The following ARMC5 variants were observed in gnomAD, a reference collection of about 807,000 sequenced individuals.
ARMC5 encodes the protein armadillo repeat-containing protein 5.
Under a neutral mutation model 60.5 loss-of-function variants are expected in ARMC5, and 28 were observed. The observed-to-expected ratio is 0.46, with a 90% CI of 0.34 to 0.63. ARMC5 has a LOEUF of 0.63. Among genes scored for constraint, ARMC5 ranks in the 30% least tolerant of loss-of-function variants. The pLI, the probability that ARMC5 is intolerant of heterozygous loss-of-function variation, is 0.01. For missense variants in ARMC5, 1,189 were observed against 1,304.9 expected (o/e 0.91, Z 1.37); for synonymous variants, 680 against 607.3 (o/e 1.12, Z -1.76).
upstream of ARMC5, chr16:31,458,339 A>G (rs2082264354): frequency 6.9e-7 from 1 of 1,443,696 alleles, no homozygotes; most frequent in Non-Finnish European, 9.4e-7. Context: ...GTGCTGGATC[A>G]GGTTGGAGCT....
chr16:31,462,288 C>T lies in ARMC5; in HGVS notation c.741C>T (p.Ala247=). 1.2e-6 allele frequency: 2 copies of T among 1,610,004 alleles called. No homozygotes were observed. Among genetic ancestry groups the T allele is most frequent in the Non-Finnish European group, 1.7e-6 (2 of 1,179,964 alleles). The change falls in exon 3 of 6, where the codon GCC becomes GCT. Residue 247 remains alanine (A), a synonymous_variant. Transcript: ENST00000268314. The surrounding 1 kb of genome is among the most constrained non-coding windows in gnomAD (Gnocchi z 7.2). ...GAVRPLAELL[A]TAPDAALTLA... ...TGCGTCCGCTGGCCGAGCTCCTGGC[C>T]ACTGCCCCAGATGCTGCACTGACCT...
upstream of ARMC5, chr16:31,458,365 A>C (rs996045340): frequency 1.9e-5 from 29 of 1,529,006 alleles, no homozygotes; most frequent in Admixed American, 9.8e-5. Context: ...TGAAAGTCTT[A>C]CCACACTAGG....
In ARMC5 at chr16:31,462,442, G is replaced by A. The variant is rs758584744; in HGVS notation, c.895G>A (p.Glu299Lys). ...TTCCCACCCCAAGCGGGCAGTACGCGAGGGAACCATTCTGATCCTCGCCAA... is the reference window on the plus strand; with the variant it reads ...TTCCCACCCCAAGCGGGCAGTACGCAAGGGAACCATTCTGATCCTCGCCAA... ...LASHPKRAVREGTILILANLC... is the reference protein window; with the variant it reads ...LASHPKRAVRKGTILILANLC... Residue 299 changes from glutamate (E) to lysine (K), a missense_variant, in exon 3 of 6, where the codon GAG becomes AAG. Physicochemically the swap from Glu to Lys is moderately conservative, Grantham distance 56. This residue lies in a region of ARMC5 where 862 missense variants were observed against 1,071.2 expected (regional missense o/e 0.80). Coordinates refer to ENST00000268314, the MANE Select transcript of ARMC5 (RefSeq NM_001105247.2). This position sits in a 1 kb window ranked among gnomAD's most constrained non-coding sequence, Gnocchi z 7.2. 11 of 1,612,528 alleles carry A rather than the reference G, an allele frequency of 6.8e-6. No homozygotes were observed. Among genetic ancestry groups the A allele is most frequent in the South Asian group, 2.2e-5 (2 of 91,038 alleles).
At chr16:31,465,457 G>T in intron 4 of ARMC5, 1 of 931,256 alleles carries the variant, frequency 1.1e-6, no homozygotes, top group Non-Finnish European at 1.5e-6. Context: ...ATTATAGAGC[G>T]AGGATTATTA....
chr16:31,460,120 T>G, intron 1 of ARMC5, 121 bp downstream of exon 1: 1 of 1,100,384 alleles, frequency 9.1e-7, no homozygotes, highest in Non-Finnish European at 1.3e-6. Flanking sequence ...TGATGGCGCA[T>G]CGCTCCTGTT....
At position 31,461,449 on chromosome 16, in the gene ARMC5, C is replaced by T. The variant is rs550058934; in HGVS notation, c.476-473C>T. 7.2e-5 allele frequency among the ~76,000 whole-genome samples: 11 copies of T among 152,294 alleles called. No homozygotes were observed. The South Asian group carries it at 2.1e-3, about 29-fold the overall frequency. On this transcript the variant is annotated intron_variant, in intron 1 of 5. Transcript: ENST00000268314. Reference sequence around the variant, plus strand: ...AATGCCTTCTCACACCCCCATCCACCGTGCTTCTGGCAAATACCTTCCTGT... The same window carrying T: ...AATGCCTTCTCACACCCCCATCCACTGTGCTTCTGGCAAATACCTTCCTGT...
chr16:31,459,344 C>T (rs769177089), upstream of ARMC5: 3 of 1,535,614 alleles, frequency 2.0e-6, no homozygotes, highest in African/African-American at 1.4e-5. Flanking sequence ...GATTAAGGTA[C>T]TGCCGCGCCT....
At position 31,466,009 on chromosome 16, in the gene ARMC5, G is replaced by A. The variant is rs1477612333; in HGVS notation, c.1997+27G>A. 1.3e-6 allele frequency: 2 copies of A among 1,597,382 alleles called. No individual in the cohort carries two copies. The highest frequency in any genetic ancestry group is 3.4e-5 in the Admixed American group (2 of 59,286). On this transcript the variant is annotated intron_variant, in intron 5 of 5. Transcript: ENST00000268314. This position sits in a 1 kb window ranked among gnomAD's most constrained non-coding sequence, Gnocchi z 8.0. ...TGAGTGGGAAGTGGGTGCCTTGCGG[G>A]GTTGGGGGAGGAGTGCTGTGTTTCC...
In ARMC5 at chr16:31,459,867, T is replaced by G; in HGVS notation, c.343T>G (p.Ser115Ala). The G allele has an allele frequency of 6.2e-7, 1 of 1,601,926 alleles. No individual in the cohort carries two copies. Among genetic ancestry groups the G allele is most frequent in the African/African-American group, 1.3e-5 (1 of 74,910 alleles). The change falls in exon 1 of 6, where the codon TCG becomes GCG. Residue 115 changes from serine to alanine, a missense_variant. Physicochemically the swap from Ser to Ala is moderately conservative, Grantham distance 99 (BLOSUM62 1). Coordinates refer to ENST00000268314, the MANE Select transcript of ARMC5 (RefSeq NM_001105247.2). ...PASGPAPSAV[S>A]SSSPTPPVRL... ...GTCGGGCCCCGCCCCCTCCGCTGTG[T>G]CGTCGTCTAGTCCTACGCCGCCAGT...
upstream of ARMC5, chr16:31,458,806 T>G (rs764499404): frequency 6.5e-7 from 1 of 1,530,006 alleles, no homozygotes; most frequent in South Asian, 1.2e-5. Flanking sequence ...CCTCGCCTCT[T>G]CTGGCGCGGC....
In ARMC5 at chr16:31,462,516, C is replaced by T. The variant is rs190300567; in HGVS notation, c.969C>T (p.Gly323=). Residue 323 remains glycine, a synonymous_variant, in exon 3 of 6, where the codon GGC becomes GGT. Transcript: ENST00000268314. This position sits in a 1 kb window ranked among gnomAD's most constrained non-coding sequence, Gnocchi z 7.2. ...LIRPALGNAG[G]VEVLVDELRQ... is the part of the protein sequence containing the mutation. Reference sequence around the variant, plus strand: ...GGCCTGCACTGGGCAATGCTGGTGGCGTGGAGGTGCTGGTAGATGAGCTCC... The same window carrying T: ...GGCCTGCACTGGGCAATGCTGGTGGTGTGGAGGTGCTGGTAGATGAGCTCC... 878 of 1,611,348 alleles carry T rather than the reference C, an allele frequency of 5.4e-4. 9 individuals are homozygous for T. The East Asian group carries it at 0.014, about 26-fold the overall frequency.
chr16:31,464,403 G>A lies in ARMC5; in HGVS notation c.1380G>A (p.Leu460=). The A allele has an allele frequency of 1.3e-6, 2 of 1,524,714 alleles. No individual in the cohort carries two copies. The highest frequency in any genetic ancestry group is 1.4e-5 in the African/African-American group (1 of 71,300). 94.4% of individuals were successfully genotyped at this position (1,524,714 alleles called of 1,614,324 possible). A position where few individuals can be genotyped will look rare whatever the true frequency, so the allele number is the denominator to read the frequency against. The stretch of plus-strand genomic sequence containing the variant: ...TTTCTGCCCTCCGCAGGTCGTGGCT[G>A]ATCTCCGAGGGCTATGCCACAGGCC... ...GGSFRSLRSW[L]ISEGYATGPD... Residue 460 remains leucine (L), a synonymous_variant, in exon 4 of 6, where the codon CTG becomes CTA. Coordinates refer to ENST00000268314, the MANE Select transcript of ARMC5 (RefSeq NM_001105247.2). The surrounding 1 kb of genome is among the most constrained non-coding windows in gnomAD (Gnocchi z 7.6).
intron 3 of ARMC5, among the ~76,000 whole-genome samples, chr16:31,463,569 CTT>C (rs751507807): frequency 3.7e-4 from 57 of 152,096 alleles, no homozygotes; most frequent in Non-Finnish European, 7.4e-4. Context: ...CTGAGGAACT[CTT>C]TATTTTTTTT....
chr16:31,466,530 C>A lies in ARMC5; in HGVS notation c.2449C>A (p.Leu817Met). The A allele has an allele frequency of 6.2e-7, 1 of 1,608,482 alleles. No individual in the cohort carries two copies. Among genetic ancestry groups the A allele is most frequent in the Non-Finnish European group, 8.5e-7 (1 of 1,179,434 alleles). ...TGGTTGTCGGGGGTGTGGGGCTGCCCTGGGGCCCGTGCCCCCACCAGGCCA... is the reference window on the plus strand; with the variant it reads ...TGGTTGTCGGGGGTGTGGGGCTGCCATGGGGCCCGTGCCCCCACCAGGCCA... ...LHGCRGCGAA[L>M]GPVPPPGQPL... The change falls in exon 6 of 6, where the codon CTG (leucine) becomes ATG (methionine). Residue 817 changes from leucine to methionine, a missense_variant. Transcript: ENST00000268314. This position sits in a 1 kb window ranked among gnomAD's most constrained non-coding sequence, Gnocchi z 8.0.
chr16:31,462,254 A>G lies in ARMC5; in HGVS notation c.707A>G (p.Gln236Arg). 6.2e-7 allele frequency: 1 copy of G among 1,609,974 alleles called. No individual in the cohort carries two copies. The highest frequency in any genetic ancestry group is 8.5e-7 in the Non-Finnish European group (1 of 1,179,982). The change falls in exon 3 of 6, where the codon CAG becomes CGG. Residue 236 changes from glutamine to arginine, a missense_variant. Physicochemically the swap from Gln to Arg is conservative, Grantham distance 43. This residue lies in a region of ARMC5 where 862 missense variants were observed against 1,071.2 expected (regional missense o/e 0.80). Transcript: ENST00000268314. This position sits in a 1 kb window ranked among gnomAD's most constrained non-coding sequence, Gnocchi z 7.2. ...SPQHRLALAQ[Q>R]GAVRPLAELL... is the part of the protein sequence containing the mutation. ...CAGCACCGCCTGGCCTTGGCACAGC[A>G]GGGAGCAGTGCGTCCGCTGGCCGAG...
In ARMC5 at chr16:31,466,818, G is replaced by A; in HGVS notation, c.2737G>A (p.Ala913Thr). 2 of 1,596,018 alleles carry A rather than the reference G, an allele frequency of 1.3e-6. No homozygotes were observed. The highest frequency in any genetic ancestry group is 2.3e-5 in the South Asian group (2 of 87,702). ...GCTTGTGGAGGCAGCAGGTGAAGAGGCAGGGCCCCTGACGGAGGCTTTGCT... is the reference window on the plus strand; with the variant it reads ...GCTTGTGGAGGCAGCAGGTGAAGAGACAGGGCCCCTGACGGAGGCTTTGCT... Reference protein sequence around the residue: ...VGLVEAAGEEAGPLTEALLAV... With the variant: ...VGLVEAAGEETGPLTEALLAV... The change falls in exon 6 of 6, where the codon GCA (alanine) becomes ACA (threonine). Residue 913 changes from alanine (A) to threonine (T), a missense_variant. Coordinates refer to ENST00000268314, the MANE Select transcript of ARMC5 (RefSeq NM_001105247.2). This position sits in a 1 kb window ranked among gnomAD's most constrained non-coding sequence, Gnocchi z 8.0.
chr16:31,466,376 G>A lies in ARMC5; in HGVS notation c.2295G>A (p.Ala765=), dbSNP rs374957875. The change falls in exon 6 of 6, where the codon GCG becomes GCA. Residue 765 remains alanine (A), a synonymous_variant. Coordinates refer to ENST00000268314, the MANE Select transcript of ARMC5 (RefSeq NM_001105247.2). This position sits in a 1 kb window ranked among gnomAD's most constrained non-coding sequence, Gnocchi z 8.0. ...GCCTCCAGCTCCCTGCCCAGCGAGC[G>A]GCCTCAGCCACCGCCTCCCCTTTCT... ...DSGLQLPAQR[A]ASATASPFFR... 2.9e-5 allele frequency: 46 copies of A among 1,612,840 alleles called. No homozygotes were observed. In the African/African-American group the frequency reaches 3.5e-4, roughly 12 times the overall value.
chr16:31,459,963 A>T lies in ARMC5; in HGVS notation c.439A>T (p.Thr147Ser). Residue 147 changes from threonine to serine, a missense_variant, in exon 1 of 6, where the codon ACC becomes TCC. Thr to Ser is a moderately conservative substitution (Grantham distance 58). Around this residue, in one of 2 missense-constraint regions of ARMC5, gnomAD observed 327 missense variants for 233.7 expected, o/e 1.40. Coordinates refer to ENST00000268314, the MANE Select transcript of ARMC5 (RefSeq NM_001105247.2). ...TTGCTGTACGGAAGGGGCGTGCCGG[A>T]CCGAAGTGCGCAGACTCGGAGGCAT... ...ADCCTEGACR[T>S]EVRRLGGILP... 6.2e-7 allele frequency: 1 copy of T among 1,601,826 alleles called. No homozygotes were observed. The highest frequency in any genetic ancestry group is 8.5e-7 in the Non-Finnish European group (1 of 1,179,396).
chr16:31,461,632 C>T (rs774827124), intron 1 of ARMC5, among the ~76,000 whole-genome samples: 2 of 152,178 alleles, frequency 1.3e-5, no homozygotes, highest in African/African-American at 4.8e-5. Context: ...CACAGCCTCC[C>T]GGGTAGCTGG....
Sources: gnomAD v4.1 joint callset for allele counts (sites outside exome capture counted in the v4.1 genomes callset) on GRCh38, gnomAD v4.1.1 for gene constraint, gnomAD v4.1.1 regional missense constraint, Gnocchi (gnomAD v3.1) non-coding constraint, MANE v1.5 for transcripts, NCBI Gene and HGNC (gene_info 2026-07-23, HGNC 2026-07-21) for gene names.